NLGN4X: variants seen among roughly 807,000 people sequenced by gnomAD.
NLGN4X encodes the protein neuroligin 4 X-linked.
In NLGN4X, 3 loss-of-function variants were observed where a neutral mutation model predicts 40.3. The ratio of observed to expected loss-of-function variants is 0.07; its 90% confidence interval spans 0.03 to 0.19. The LOEUF (loss-of-function observed/expected upper bound fraction) is 0.19. NLGN4X is among the 10% of genes least tolerant of loss of function. The probability of loss-of-function intolerance (pLI) is 1.00; values close to 1 mark genes in which losing one functional copy is unlikely to be tolerated. For synonymous variants in NLGN4X, 270 were observed against 306.8 expected (o/e 0.88, Z 1.25); for missense variants, 382 against 708.3 (o/e 0.54, Z 5.23).
At chrX:6,027,825 T>A (rs1261285367) in intron 3 of NLGN4X, among the ~76,000 whole-genome samples, 43 of 107,210 alleles carry the variant, frequency 4.0e-4, no homozygotes, top group South Asian at 1.6e-3. Context: ...TATTATTATT[T>A]TTTTTTTTTT....
At chrX:6,222,071 G>A (rs2147908401) in intron 1 of NLGN4X, among the ~76,000 whole-genome samples, 1 of 111,474 alleles carries the variant, frequency 9.0e-6, no homozygotes, top group East Asian at 2.8e-4. Context: ...ACCAAGTAAT[G>A]CAACTTGAAA....
rs1343014272 is a variant in NLGN4X at position 6,055,799 on chromosome X, A to G, written c.473-26367T>C. On this transcript the variant is annotated intron_variant, in intron 2 of 5. Transcript: ENST00000381095. ...CAAGTTGTAGAGGATTTGATAAATG[A>G]TTTAATTAAATTGTGTAGAATTACA... Among the ~76,000 whole-genome samples the G allele has an allele frequency of 2.7e-5, 3 of 111,693 alleles. No individual in the cohort carries two copies. In the East Asian group the frequency reaches 8.4e-4, roughly 31 times the overall value.
At chrX:6,111,460 T>G (rs772280538) in intron 2 of NLGN4X, among the ~76,000 whole-genome samples, 1 of 111,775 alleles carries the variant, frequency 8.9e-6, no homozygotes, top group South Asian at 3.8e-4. Flanking sequence ...TGTTGTTAGC[T>G]GGGCAAAGTG....
At chrX:6,134,833 G>C (rs921220732) in intron 2 of NLGN4X, among the ~76,000 whole-genome samples, 1 of 112,477 alleles carries the variant, frequency 8.9e-6, no homozygotes, top group Non-Finnish European at 1.9e-5. Flanking sequence ...AGCAGAAAGA[G>C]CAGGCTGACT....
At chrX:5,994,167 A>G (rs1408004695) in intron 3 of NLGN4X, among the ~76,000 whole-genome samples, 6 of 112,076 alleles carry the variant, frequency 5.4e-5, no homozygotes, top group African/African-American at 1.6e-4. Flanking sequence ...AGAAATTGCA[A>G]CAGACTGAAC....
At chrX:6,210,480 A>G (rs1255109608) in intron 1 of NLGN4X, among the ~76,000 whole-genome samples, 3 of 111,378 alleles carry the variant, frequency 2.7e-5, no homozygotes, top group African/African-American at 9.8e-5. Context: ...TCTTCAAAAT[A>G]AAACCTTGTT....
intron 2 of NLGN4X, among the ~76,000 whole-genome samples, chrX:6,050,828 C>T (rs749851740): frequency 1.0e-5 from 1 of 98,604 alleles, no homozygotes; most frequent in African/African-American, 3.8e-5. Flanking sequence ...TATCTATCAA[C>T]CTACCTATCT....
intron 3 of NLGN4X, among the ~76,000 whole-genome samples, chrX:6,026,137 G>A (rs7052989): frequency 0.25 from 27,387 of 108,660 alleles, 3,169 homozygotes; most frequent in African/African-American, 0.44. Flanking sequence ...CTCTGGCTGC[G>A]ATCTACATTC....
chrX:6,228,176 C>T (rs771778115), intron 1 of NLGN4X, among the ~76,000 whole-genome samples: 1 of 111,775 alleles, frequency 8.9e-6, no homozygotes, highest in African/African-American at 3.3e-5. Flanking sequence ...ACATCACACA[C>T]GGCCCCAGAG....
At chrX:5,897,588 C>G (rs943484857) in intron 5 of NLGN4X, among the ~76,000 whole-genome samples, 7 of 111,786 alleles carry the variant, frequency 6.3e-5, no homozygotes, top group South Asian at 7.5e-4. Context: ...CACCTCCTTG[C>G]TACAGGGGAG....
chrX:6,018,975 G>A (rs1343805514), intron 3 of NLGN4X, among the ~76,000 whole-genome samples: 2 of 111,987 alleles, frequency 1.8e-5, no homozygotes, highest in Non-Finnish European at 3.8e-5. Context: ...TTAGTCCAAG[G>A]ATAAAGTATC....
At chrX:6,054,957 G>T (rs966250396) in intron 2 of NLGN4X, among the ~76,000 whole-genome samples, 2 of 112,231 alleles carry the variant, frequency 1.8e-5, no homozygotes, top group African/African-American at 3.2e-5. Context: ...TGCTCAGCAG[G>T]AATTAAATTT....
intron 2 of NLGN4X, among the ~76,000 whole-genome samples, chrX:6,141,941 C>T (rs1490247521): frequency 2.7e-5 from 3 of 112,129 alleles, no homozygotes; most frequent in African/African-American, 9.7e-5. Context: ...AAGACTACAA[C>T]ATCTTAGGAA....
chrX:6,112,033 C>T (rs2039160027), intron 2 of NLGN4X, among the ~76,000 whole-genome samples: 1 of 111,833 alleles, frequency 8.9e-6, no homozygotes, highest in Non-Finnish European at 1.9e-5. Flanking sequence ...CTAGAAAATA[C>T]TTATATGCTA....
chrX:6,123,220 T>G (rs1343522032), intron 2 of NLGN4X, among the ~76,000 whole-genome samples: 1 of 111,746 alleles, frequency 8.9e-6, no homozygotes, highest in East Asian at 2.8e-4. Flanking sequence ...AAAATATGTC[T>G]AATTTTTCCA....
intron 3 of NLGN4X, among the ~76,000 whole-genome samples, chrX:5,942,656 A>G (rs185114118): frequency 0.016 from 1,787 of 109,562 alleles, 10 homozygotes; most frequent in Middle Eastern, 0.028. Flanking sequence ...CTCTGTCTCA[A>G]AATGAAAGAG....
chrX:6,181,834 G>A (rs754695861), intron 1 of NLGN4X, among the ~76,000 whole-genome samples: 3 of 112,154 alleles, frequency 2.7e-5, no homozygotes, highest in Admixed American at 1.9e-4. Context: ...TTACAATAAC[G>A]TAAGATATTT....
In NLGN4X at chrX:6,171,678, A is replaced by G. The variant is rs1449535133; in HGVS notation, c.-305-19907T>C. On this transcript the variant is annotated intron_variant, in intron 1 of 5. Coordinates refer to ENST00000381095, the MANE Select transcript of NLGN4X (RefSeq NM_181332.3). ...AAATTGTTTTTTCTTAGAATTGTGAAAGTTTCTATCTTTTAACGTTCAGTG... is the reference window on the plus strand; with the variant it reads ...AAATTGTTTTTTCTTAGAATTGTGAGAGTTTCTATCTTTTAACGTTCAGTG... Among the ~76,000 whole-genome samples, 4 of 109,240 alleles carry G rather than the reference A, an allele frequency of 3.7e-5. No homozygotes were observed. In the Admixed American group the frequency reaches 4.0e-4, roughly 11 times the overall value. 94.9% of individuals were successfully genotyped at this position (109,240 alleles called of 115,157 possible).
chrX:6,151,640 C>T lies in NLGN4X; in HGVS notation c.-174G>A. The T allele has an allele frequency of 2.1e-6, 1 of 467,183 alleles. No individual in the cohort carries two copies. Among genetic ancestry groups the T allele is most frequent in the Non-Finnish European group, 3.7e-6 (1 of 267,633 alleles). 38.5% of individuals were successfully genotyped at this position (467,183 alleles called of 1,213,427 possible). A position where few individuals can be genotyped will look rare whatever the true frequency, so the allele number is the denominator to read the frequency against. On this transcript the variant is annotated 5_prime_UTR_variant, in exon 2 of 6. Coordinates refer to ENST00000381095, the MANE Select transcript of NLGN4X (RefSeq NM_181332.3). Reference sequence around the variant, plus strand: ...GGTTAAGAACAAGCACAGCCGTTTTCTTGGCAGCCCATTGCAAGGAGGCAG... The same window carrying T: ...GGTTAAGAACAAGCACAGCCGTTTTTTTGGCAGCCCATTGCAAGGAGGCAG...
Sources: allele counts gnomAD v4.1 joint callset (sites outside exome capture counted in the v4.1 genomes callset), GRCh38; gene constraint gnomAD v4.1.1; transcripts MANE v1.5; gene names NCBI Gene and HGNC (gene_info 2026-07-23, HGNC 2026-07-21).